Variants in EIF4G3 observed in about 807,000 individuals in gnomAD.
The protein encoded by EIF4G3 is eIF-4-gamma 3.
A neutral mutation model predicts 186.4 loss-of-function variants in EIF4G3; 34 were observed. The observed-to-expected ratio is 0.18, with a 90% CI of 0.14 to 0.24. The LOEUF (loss-of-function observed/expected upper bound fraction) is 0.24. EIF4G3 is among the 10% of genes least tolerant of loss of function. EIF4G3 has a pLI of 1.00. For missense variants in EIF4G3, 1,536 were observed against 1,948.5 expected (o/e 0.79, Z 3.99); for synonymous variants, 673 against 679.5 (o/e 0.99, Z 0.15).
intron 3 of EIF4G3, among the ~76,000 whole-genome samples, chr1:21,088,020 C>T (rs1310134065): frequency 6.6e-6 from 1 of 151,530 alleles, no homozygotes; most frequent in Non-Finnish European, 1.5e-5. Context: ...AACTTGAGGC[C>T]AGGAGTTCAA....
chr1:20,815,555 G>A (rs1331687089), intron 34 of EIF4G3, among the ~76,000 whole-genome samples: 17 of 151,770 alleles, frequency 1.1e-4, no homozygotes, highest in South Asian at 2.1e-4. Context: ...CAACCGCCCC[G>A]TCTGAGAAGT....
intron 30 of EIF4G3, among the ~76,000 whole-genome samples, chr1:20,835,367 A>C (rs924497788): frequency 6.6e-6 from 1 of 152,146 alleles, no homozygotes; most frequent in African/African-American, 2.4e-5. Context: ...ACAGGGAAGG[A>C]AATAACAAAC....
chr1:21,127,306 T>G (rs1267359309), intron 2 of EIF4G3, among the ~76,000 whole-genome samples: 1 of 152,052 alleles, frequency 6.6e-6, no homozygotes, highest in Non-Finnish European at 1.5e-5. Context: ...GGACTCAAAA[T>G]TATACTGAGC....
chr1:21,160,247 T>C (rs1182611514), intron 2 of EIF4G3, among the ~76,000 whole-genome samples: 8 of 151,706 alleles, frequency 5.3e-5, no homozygotes, highest in Admixed American at 5.3e-4. Flanking sequence ...TAAAATAAAA[T>C]ATATACCCAT....
chr1:20,935,876 G>A (rs2095502176), intron 14 of EIF4G3, among the ~76,000 whole-genome samples: 1 of 152,204 alleles, frequency 6.6e-6, no homozygotes, highest in African/African-American at 2.4e-5. Flanking sequence ...ACCTTCTCTG[G>A]AAGCAGGTCA....
At chr1:20,916,308 G>A (rs1423360715) in intron 14 of EIF4G3, among the ~76,000 whole-genome samples, 2 of 151,978 alleles carry the variant, frequency 1.3e-5, no homozygotes, top group African/African-American at 2.4e-5. Context: ...TAGCCCGGGC[G>A]TGGTGGTGGA....
Position 20,938,919 on chromosome 1 carries a change from C to A in EIF4G3, c.1663+2572G>T, listed in dbSNP as rs887319364. Among the ~76,000 whole-genome samples the A allele has an allele frequency of 1.3e-4, 20 of 151,848 alleles. No individual in the cohort carries two copies. In the South Asian group the frequency reaches 3.8e-3, roughly 29 times the overall value. ...GTCAGTAGTTCGAGACCAGCCTGACCAACAAGGTGAAACCCCGTCTCTACT... is the reference window on the plus strand; with the variant it reads ...GTCAGTAGTTCGAGACCAGCCTGACAAACAAGGTGAAACCCCGTCTCTACT... On this transcript the variant is annotated intron_variant, in intron 14 of 36. Transcript: ENST00000602326.
At chr1:20,990,678 A>G (rs927778234) in intron 7 of EIF4G3, among the ~76,000 whole-genome samples, 3 of 152,228 alleles carry the variant, frequency 2.0e-5, no homozygotes, top group African/African-American at 4.8e-5. Context: ...CAAAAAAAAG[A>G]GAAAGTATTT....
At chr1:20,843,088 C>T (rs2069300746) in intron 29 of EIF4G3, among the ~76,000 whole-genome samples, 1 of 152,080 alleles carries the variant, frequency 6.6e-6, no homozygotes, top group Non-Finnish European at 1.5e-5. Context: ...ATCCTCTAGC[C>T]TTAGCCTCCA....
At chr1:21,051,811 C>T (rs974664894) in intron 3 of EIF4G3, among the ~76,000 whole-genome samples, 1 of 152,132 alleles carries the variant, frequency 6.6e-6, no homozygotes, top group African/African-American at 2.4e-5. Flanking sequence ...TTACAGTGAG[C>T]TATGATCACA....
At chr1:20,911,241 A>C (rs2093142929) in intron 14 of EIF4G3, among the ~76,000 whole-genome samples, 1 of 152,068 alleles carries the variant, frequency 6.6e-6, no homozygotes. Context: ...AAAACGAAAA[A>C]CCAAAAATAG....
intron 2 of EIF4G3, among the ~76,000 whole-genome samples, chr1:21,165,649 C>A (rs1216693475): frequency 6.6e-6 from 1 of 152,074 alleles, no homozygotes; most frequent in Non-Finnish European, 1.5e-5. Flanking sequence ...AGAAAATAGA[C>A]TTGGACTTGC....
intron 2 of EIF4G3, among the ~76,000 whole-genome samples, chr1:21,118,722 G>T (rs1254544820): frequency 1.3e-5 from 2 of 151,166 alleles, no homozygotes; most frequent in African/African-American, 4.9e-5. Flanking sequence ...GGAGACAGCG[G>T]TTGCAGTGAG....
At chr1:20,825,935 TAC>T (rs1049758048) in intron 32 of EIF4G3, among the ~76,000 whole-genome samples, 1 of 152,216 alleles carries the variant, frequency 6.6e-6, no homozygotes, top group African/African-American at 2.4e-5. Flanking sequence ...TGAAGAAAGT[TAC>T]AGTGACAACG....
chr1:21,159,801 C>CA (rs1485816405), intron 2 of EIF4G3, among the ~76,000 whole-genome samples: 3 of 150,888 alleles, frequency 2.0e-5, no homozygotes, highest in African/African-American at 4.9e-5. Context: ...ACTATCTCTA[C>CA]AAAAAACTGA....
At chr1:21,000,554 T>C (rs1396521048) in intron 6 of EIF4G3, among the ~76,000 whole-genome samples, 4 of 147,340 alleles carry the variant, frequency 2.7e-5, no homozygotes, top group Admixed American at 2.0e-4. Context: ...GAAAATGCAA[T>C]CCTGCCAAAT....
intron 10 of EIF4G3, among the ~76,000 whole-genome samples, chr1:20,978,326 G>A (rs1036644120): frequency 2.0e-5 from 3 of 152,098 alleles, no homozygotes; most frequent in African/African-American, 4.8e-5. Flanking sequence ...TCACATATAT[G>A]TAACACATTA....
At chr1:20,985,904 C>A (rs1021304047) in intron 7 of EIF4G3, among the ~76,000 whole-genome samples, 3 of 152,196 alleles carry the variant, frequency 2.0e-5, no homozygotes, top group African/African-American at 7.2e-5. Flanking sequence ...CTTCCTTCTA[C>A]TGGCCCCCAA....
Position 21,173,388 on chromosome 1 carries a change from G to C in EIF4G3, c.-272+2787C>G, listed in dbSNP as rs557374344. Reference sequence around the variant, plus strand: ...ATTTTTGTACTTTTAGTAGAGACCAGGTTTCACCAGATCAGGGCCAGGTGC... The same window carrying C: ...ATTTTTGTACTTTTAGTAGAGACCACGTTTCACCAGATCAGGGCCAGGTGC... On this transcript the variant is annotated intron_variant, in intron 2 of 36. Transcript: ENST00000602326. Among the ~76,000 whole-genome samples the C allele has an allele frequency of 2.6e-5, 4 of 152,052 alleles. No individual in the cohort carries two copies. In the East Asian group the frequency reaches 7.9e-4, roughly 30 times the overall value.
Sources: gnomAD v4.1 joint callset for allele counts (sites outside exome capture counted in the v4.1 genomes callset) on GRCh38, gnomAD v4.1.1 for gene constraint, MANE v1.5 for transcripts, NCBI Gene and HGNC (gene_info 2026-07-23, HGNC 2026-07-21) for gene names.